The following RXYLT1 variants were observed in gnomAD, a reference collection of about 807,000 sequenced individuals.
The protein encoded by RXYLT1 is ribitol-5-phosphate xylosyltransferase 1.
A neutral mutation model predicts 43.5 loss-of-function variants in RXYLT1; 41 were observed. The ratio of observed to expected loss-of-function variants is 0.94; its 90% CI spans 0.73 to 1.22. The LOEUF is 1.22. Among genes scored for constraint, RXYLT1 ranks in the 50% most tolerant of loss-of-function variants. The probability of loss-of-function intolerance (pLI) is 0.00; values close to 1 mark genes in which losing one functional copy is unlikely to be tolerated. For synonymous variants in RXYLT1, 166 were observed against 194.4 expected, an observed-to-expected ratio of 0.85 and a Z score of 1.21; for missense variants, 514 against 532.0, an observed-to-expected ratio of 0.97 and a Z score of 0.33.
chr12:63,794,592 G>C (rs998301352), intron 3 of RXYLT1, among the ~76,000 whole-genome samples: 1 of 152,134 alleles, frequency 6.6e-6, no homozygotes, highest in Non-Finnish European at 1.5e-5. Flanking sequence ...GAAGGGGGTA[G>C]TGGATTTATT....
intron 3 of RXYLT1, among the ~76,000 whole-genome samples, chr12:63,798,936 G>A (rs1479395946): frequency 2.0e-5 from 3 of 152,162 alleles, no homozygotes; most frequent in African/African-American, 7.2e-5. Context: ...TTAGGACATA[G>A]ATACTTATTA....
chr12:63,786,564 C>T (rs1379332538), intron 3 of RXYLT1, among the ~76,000 whole-genome samples: 1 of 151,422 alleles, frequency 6.6e-6, no homozygotes, highest in Non-Finnish European at 1.5e-5. Context: ...CTAAAAAATG[C>T]TAACAGTTAT....
chr12:63,805,297 A>G lies in RXYLT1; in HGVS notation c.807A>G (p.Leu269=), dbSNP rs762982680. Residue 269 remains leucine, a synonymous_variant, in exon 5 of 6, where the codon TTA becomes TTG. Coordinates refer to ENST00000261234, the MANE Select transcript of RXYLT1 (RefSeq NM_014254.3). The part of the protein sequence containing the change: ...WSMLHDERPY[L]CNFLGTIYEN... ...TGCTGCATGATGAGAGGCCATATTTATGTAATTTCTTAGGAACGATTTATG... is the reference window on the plus strand; with the variant it reads ...TGCTGCATGATGAGAGGCCATATTTGTGTAATTTCTTAGGAACGATTTATG... 7 of 1,613,610 alleles carry G rather than the reference A, an allele frequency of 4.3e-6. No homozygotes were observed. The highest frequency in any genetic ancestry group is 5.9e-6 in the Non-Finnish European group (7 of 1,179,812).
intron 3 of RXYLT1, among the ~76,000 whole-genome samples, chr12:63,793,582 A>ATAGG (rs1406945496): frequency 6.6e-6 from 1 of 152,226 alleles, no homozygotes; most frequent in Non-Finnish European, 1.5e-5. Context: ...TTTCTACAAT[A>ATAGG]GAAATTCATC....
At chr12:63,790,853 A>G (rs960529145) in intron 3 of RXYLT1, among the ~76,000 whole-genome samples, 2 of 152,240 alleles carry the variant, frequency 1.3e-5, no homozygotes, top group Non-Finnish European at 2.9e-5. Context: ...TAAGGCAAGT[A>G]GTAGTTCATA....
chr12:63,805,317 T>A lies in RXYLT1; in HGVS notation c.827T>A (p.Ile276Asn). The change falls in exon 5 of 6, where the codon ATT becomes AAT. Residue 276 changes from isoleucine (I) to asparagine (N), a missense_variant. Transcript: ENST00000261234. ...TATTTATGTAATTTCTTAGGAACGA[T>A]TTATGAAAATTCATCCAGACAGGCA... Reference protein sequence around the residue: ...RPYLCNFLGTIYENSSRQALM... With the variant: ...RPYLCNFLGTNYENSSRQALM... The A allele has an allele frequency of 6.2e-7, 1 of 1,613,424 alleles. No individual in the cohort carries two copies. The highest frequency in any genetic ancestry group is 8.5e-7 in the Non-Finnish European group (1 of 1,179,742).
At chr12:63,806,188 A>G (rs1469688655) in intron 5 of RXYLT1, 1 of 152,234 alleles carries the variant, frequency 6.6e-6, no homozygotes, top group East Asian at 1.9e-4. Flanking sequence ...TTACCAAGCA[A>G]TTGCTCTATG....
In RXYLT1 at chr12:63,799,220, C is replaced by T. The variant is rs76950538; in HGVS notation, c.429-2871C>T. ...TAAAATTAGAAAGATATTCCTTTCA[C>T]ATGAAAGTTACATTTGAGAATAGCT... On this transcript the variant is annotated intron_variant, in intron 3 of 5. Transcript: ENST00000261234. Among the ~76,000 whole-genome samples the T allele has an allele frequency of 5.4e-3, 822 of 150,910 alleles. 8 individuals carry two copies. The highest frequency in any genetic ancestry group is 0.019 in the African/African-American group (782 of 41,168).
chr12:63,801,878 T>C (rs796888247), intron 3 of RXYLT1, among the ~76,000 whole-genome samples: 1 of 152,184 alleles, frequency 6.6e-6, no homozygotes, highest in African/African-American at 2.4e-5. Flanking sequence ...CATATGCAAA[T>C]TGATCTGCCT....
intron 3 of RXYLT1, among the ~76,000 whole-genome samples, chr12:63,790,960 CTTTTA>C (rs1221957348): frequency 1.3e-5 from 2 of 152,150 alleles, no homozygotes; most frequent in Non-Finnish European, 2.9e-5. Flanking sequence ...TCTTGTTGCT[CTTTTA>C]TTTTAGTGTT....
rs996920250 is a variant in RXYLT1, at chr12:63,809,304, G to A, written c.*212G>A. On this transcript the variant is annotated 3_prime_UTR_variant, in exon 6 of 6. Transcript: ENST00000261234. ...ATAATGGAGCTGAAAAATTTCTATC[G>A]CCTAGTGATGTCATAGCCTAGTGAT... 5 of 431,198 alleles carry A rather than the reference G, an allele frequency of 1.2e-5. No individual in the cohort carries two copies. The highest frequency in any genetic ancestry group is 4.5e-5 in the East Asian group (1 of 22,140). 26.7% of individuals were successfully genotyped at this position (431,198 alleles called of 1,614,324 possible).
chr12:63,780,449 A>C, intron 1 of RXYLT1: 1 of 1,183,816 alleles, frequency 8.4e-7, no homozygotes, highest in Middle Eastern at 3.4e-4. Context: ...GGAAGGCCTC[A>C]AAATCGCCGC....
intron 3 of RXYLT1, among the ~76,000 whole-genome samples, chr12:63,789,804 C>T (rs559762402): frequency 6.6e-6 from 1 of 152,108 alleles, no homozygotes; most frequent in African/African-American, 2.4e-5. Flanking sequence ...AACTTTTATG[C>T]AATTGTAAGT....
chr12:63,807,724 C>T (rs1465989283), intron 5 of RXYLT1: 1 of 152,162 alleles, frequency 6.6e-6, no homozygotes, highest in Non-Finnish European at 1.5e-5. Context: ...GCCATCACGC[C>T]CGGCTAATTA....
intron 3 of RXYLT1, among the ~76,000 whole-genome samples, chr12:63,799,730 CT>C (rs930993048): frequency 6.6e-6 from 1 of 151,808 alleles, no homozygotes; most frequent in Non-Finnish European, 1.5e-5. Flanking sequence ...TCAAGATTTC[CT>C]TTTTTTTCCT....
chr12:63,789,406 A>G (rs1484904988), intron 3 of RXYLT1, among the ~76,000 whole-genome samples: 2 of 152,076 alleles, frequency 1.3e-5, no homozygotes, highest in Non-Finnish European at 2.9e-5. Context: ...CCATGATTCA[A>G]TTACTTCCCA....
intron 5 of RXYLT1, chr12:63,807,563 A>G (rs1432411302): frequency 6.7e-6 from 1 of 150,306 alleles, no homozygotes; most frequent in Non-Finnish European, 1.5e-5. Flanking sequence ...GAAAGCATCT[A>G]TCTTTTTTTT....
chr12:63,801,682 T>C (rs554462442), intron 3 of RXYLT1, among the ~76,000 whole-genome samples: 38 of 152,068 alleles, frequency 2.5e-4, no homozygotes, highest in African/African-American at 9.2e-4. Context: ...ATTACCTGTG[T>C]GTAGTGGTGC....
chr12:63,808,493 C>G, intron 5 of RXYLT1, 182 bp from the exon 6 acceptor site: 4 of 614,188 alleles, frequency 6.5e-6, no homozygotes, highest in Non-Finnish European at 1.1e-5. Flanking sequence ...GTAAAATGTT[C>G]CAATTCTTCA....
Sources: allele counts gnomAD v4.1 joint callset (sites outside exome capture counted in the v4.1 genomes callset), GRCh38; gene constraint gnomAD v4.1.1; transcripts MANE v1.5; gene names NCBI Gene and HGNC (gene_info 2026-07-23, HGNC 2026-07-21).